WWOX: variants seen among roughly 807,000 people sequenced by gnomAD.
WWOX encodes WW domain-containing oxidoreductase.
In WWOX, 69 loss-of-function variants were observed where a neutral mutation model predicts 46.2. The observed-to-expected ratio is 1.49, with a 90% CI of 1.23 to 1.82. The LOEUF is 1.82. Ranked by LOEUF, WWOX falls within the 40% of genes most tolerant of loss-of-function variation. The pLI is 0.00. For missense variants in WWOX, 919 were observed against 542.6 expected (o/e 1.69, Z -6.89); for synonymous variants, 359 against 202.6 (o/e 1.77, Z -6.56).
At chr16:78,608,009 C>T (rs915991064) in intron 8 of WWOX, among the ~76,000 whole-genome samples, 1 of 152,084 alleles carries the variant, frequency 6.6e-6, no homozygotes, top group Non-Finnish European at 1.5e-5. Context: ...AATATTATGT[C>T]ACTAGTCAAC....
rs1173317841 is a variant in WWOX, at chr16:79,212,515, A to C, written c.*719A>C. The C allele has an allele frequency of 1.1e-5, 2 of 181,208 alleles. No individual in the cohort carries two copies. Among genetic ancestry groups the C allele is most frequent in the South Asian group, 1.3e-4 (1 of 7,572 alleles). The allele number at this position is 181,208 out of a possible 1,614,324, so 11.2% of individuals were successfully genotyped here. ...GGAAGGGAAGCGTATATACTTAAGA[A>C]TACACAGGATATTTTGGGGGGCAGA... On this transcript the variant is annotated 3_prime_UTR_variant, in exon 9 of 9. Transcript: ENST00000566780.
chr16:78,646,960 A>T (rs1384908232), intron 8 of WWOX, among the ~76,000 whole-genome samples: 1 of 151,848 alleles, frequency 6.6e-6, no homozygotes, highest in Non-Finnish European at 1.5e-5. Context: ...GGAAGTGACA[A>T]CTCTAGGCAC....
At chr16:78,497,464 A>G (rs1597167697) in intron 8 of WWOX, among the ~76,000 whole-genome samples, 2 of 152,186 alleles carry the variant, frequency 1.3e-5, no homozygotes, top group Non-Finnish European at 2.9e-5. Context: ...AAAATAGACA[A>G]CTGGGATTAC....
intron 8 of WWOX, chr16:78,873,425 G>T (rs775406105): frequency 2.0e-5 from 3 of 151,948 alleles, no homozygotes; most frequent in Non-Finnish European, 4.4e-5. Flanking sequence ...CCATCTAGCA[G>T]ATGTGGTAAG....
intron 8 of WWOX, among the ~76,000 whole-genome samples, chr16:78,752,959 G>GGTTTGTCTAGGCCTAGACAA (rs1567536655): frequency 4.6e-5 from 7 of 152,158 alleles, no homozygotes; most frequent in African/African-American, 1.7e-4. Context: ...ATTCTAGGCC[G>GGTTTGTCTAGGCCTAGACAA]TTTGTCTGCC....
intron 8 of WWOX, among the ~76,000 whole-genome samples, chr16:79,118,481 G>C (rs1220066599): frequency 6.6e-6 from 1 of 152,146 alleles, no homozygotes; most frequent in Non-Finnish European, 1.5e-5. Context: ...CATGAAGTGA[G>C]CAGGTACCAT....
At chr16:79,199,271 C>G (rs2051300360) in intron 8 of WWOX, among the ~76,000 whole-genome samples, 1 of 152,134 alleles carries the variant, frequency 6.6e-6, no homozygotes, top group Non-Finnish European at 1.5e-5. Context: ...CCATGTTGGC[C>G]AGGCTGGTCT....
At chr16:78,999,257 G>T (rs1341527028) in intron 8 of WWOX, among the ~76,000 whole-genome samples, 1 of 151,964 alleles carries the variant, frequency 6.6e-6, no homozygotes. Flanking sequence ...GATCATCTGA[G>T]GTCGGGAGTT....
intron 8 of WWOX, among the ~76,000 whole-genome samples, chr16:78,487,068 G>T (rs2151456028): frequency 6.6e-6 from 1 of 152,286 alleles, no homozygotes; most frequent in African/African-American, 2.4e-5. Context: ...TGATTCTGTT[G>T]TAGTGATATT....
At chr16:78,214,509 C>T (rs759865324) in intron 5 of WWOX, among the ~76,000 whole-genome samples, 3 of 152,144 alleles carry the variant, frequency 2.0e-5, no homozygotes, top group African/African-American at 4.8e-5. Flanking sequence ...GATCTCCTCC[C>T]GAAGTCTCTT....
At chr16:78,855,977 C>T (rs564881431) in intron 8 of WWOX, among the ~76,000 whole-genome samples, 3 of 152,292 alleles carry the variant, frequency 2.0e-5, no homozygotes, top group Admixed American at 6.5e-5. Context: ...TCGGTGCACG[C>T]ACAAGGTACC....
intron 5 of WWOX, among the ~76,000 whole-genome samples, chr16:78,329,789 C>G (rs1363193257): frequency 6.6e-6 from 1 of 151,134 alleles, no homozygotes; most frequent in African/African-American, 2.4e-5. Flanking sequence ...CTTTGTCACC[C>G]TGGCTCAAGT....
chr16:79,007,652 A>G (rs2047216482), intron 8 of WWOX, among the ~76,000 whole-genome samples: 1 of 152,206 alleles, frequency 6.6e-6, no homozygotes, highest in South Asian at 2.1e-4. Context: ...CTCACTGCAG[A>G]GTTATAAGGA....
intron 8 of WWOX, among the ~76,000 whole-genome samples, chr16:79,148,640 A>G (rs933886221): frequency 1.3e-5 from 2 of 152,208 alleles, no homozygotes; most frequent in Non-Finnish European, 2.9e-5. Context: ...CTATAGGTCT[A>G]ACATTAAACC....
At chr16:78,992,841 C>A (rs2046915105) in intron 8 of WWOX, among the ~76,000 whole-genome samples, 1 of 152,092 alleles carries the variant, frequency 6.6e-6, no homozygotes, top group African/African-American at 2.4e-5. Flanking sequence ...GGCTTTCTCC[C>A]CAAACCTTCT....
intron 8 of WWOX, among the ~76,000 whole-genome samples, chr16:78,596,613 C>T (rs965063857): frequency 1.3e-5 from 2 of 152,136 alleles, no homozygotes; most frequent in South Asian, 2.1e-4. Flanking sequence ...AAACCTAGAC[C>T]TATGGAACAT....
chr16:78,676,994 T>C (rs929408602), intron 8 of WWOX, among the ~76,000 whole-genome samples: 1 of 152,112 alleles, frequency 6.6e-6, no homozygotes, highest in African/African-American at 2.4e-5. Context: ...TGCATTTTTA[T>C]TGGTAGAACG....
intron 8 of WWOX, among the ~76,000 whole-genome samples, chr16:78,816,484 A>G (rs1050698935): frequency 6.9e-6 from 1 of 144,904 alleles, no homozygotes; most frequent in East Asian, 2.1e-4. Context: ...GAAATCTACC[A>G]GACAAGAAGG....
At chr16:78,933,420 C>G (rs1280730883) in intron 8 of WWOX, among the ~76,000 whole-genome samples, 1 of 152,132 alleles carries the variant, frequency 6.6e-6, no homozygotes, top group Non-Finnish European at 1.5e-5. Context: ...GCCTGGGCAA[C>G]AGAGGGAGAC....
Sources: gnomAD v4.1 joint callset for allele counts (sites outside exome capture counted in the v4.1 genomes callset) on GRCh38, gnomAD v4.1.1 for gene constraint, MANE v1.5 for transcripts, NCBI Gene and HGNC (gene_info 2026-07-23, HGNC 2026-07-21) for gene names.